KDM5B: variants seen among roughly 807,000 people sequenced by gnomAD.
KDM5B encodes lysine demethylase 5B.
A neutral mutation model predicts 193.4 loss-of-function variants in KDM5B; 144 were observed. That is an observed-to-expected ratio of 0.74 (90% CI 0.65 to 0.86). The LOEUF (loss-of-function observed/expected upper bound fraction) is 0.86, where lower values mean the gene tolerates loss of function less well. Ranked by LOEUF, KDM5B falls within the 40% of genes least tolerant of loss-of-function variation. KDM5B has a pLI of 0.00. For missense variants in KDM5B, 1,833 were observed against 1,886.9 expected (o/e 0.97, Z 0.53); for synonymous variants, 668 against 682.6 (o/e 0.98, Z 0.33).
chr1:202,805,660 G>GT (rs1658261357), intron 1 of KDM5B, among the ~76,000 whole-genome samples: 4 of 152,096 alleles, frequency 2.6e-5, no homozygotes, highest in Admixed American at 1.3e-4. Context: ...TTCTTGAAGG[G>GT]TTTTTTTGTT....
chr1:202,746,357 A>C (rs746150886), intron 14 of KDM5B, 34 bp from the exon 15 acceptor site: 1 of 1,434,150 alleles, frequency 7.0e-7, no homozygotes, highest in South Asian at 1.4e-5. Flanking sequence ...AGACCTCCAA[A>C]GGATAATATA....
Position 202,740,717 on chromosome 1 carries a change from A to G in KDM5B, c.3041T>C (p.Val1014Ala). ...LPNGAALKDS[V>A]QRARDWLQDV... is the part of the protein sequence containing the mutation. ...CTGAAGCCAGTCTCTGGCTCTCTGC[A>G]CTGAGTCTTTCAGAGCCGCACCATT... The change falls in exon 20 of 27, where the codon GTG becomes GCG. Residue 1014 changes from valine to alanine, a missense_variant. This residue lies in a region of KDM5B where 1,379 missense variants were observed against 1,349.6 expected (regional missense o/e 1.02). Coordinates refer to ENST00000367265, the MANE Select transcript of KDM5B (RefSeq NM_006618.5). 1 of 1,612,918 alleles carries G rather than the reference A, an allele frequency of 6.2e-7. No individual in the cohort carries two copies. The highest frequency in any genetic ancestry group is 1.1e-5 in the South Asian group (1 of 91,028).
intron 13 of KDM5B, 80 bp from the exon 14 acceptor site, chr1:202,749,219 T>C: frequency 1.6e-6 from 2 of 1,249,698 alleles, no homozygotes; most frequent in African/African-American, 1.5e-5. Context: ...TATTATCAAA[T>C]TACCAAACAT....
chr1:202,744,734 T>C (rs1655484859), intron 16 of KDM5B, among the ~76,000 whole-genome samples: 1 of 152,178 alleles, frequency 6.6e-6, no homozygotes, highest in African/African-American at 2.4e-5. Context: ...TGGAAGACAG[T>C]GTGGTGATTC....
At chr1:202,750,869 C>CA (rs1413677909) in intron 12 of KDM5B, 91 bp from the exon 13 acceptor site, 13 of 1,309,196 alleles carry the variant, frequency 9.9e-6, no homozygotes, top group Admixed American at 4.6e-5. Flanking sequence ...AGATAATTTT[C>CA]AAAAAAAGGC....
intron 1 of KDM5B, among the ~76,000 whole-genome samples, chr1:202,789,118 C>G (rs1383800453): frequency 1.3e-5 from 2 of 152,122 alleles, no homozygotes; most frequent in East Asian, 1.9e-4. Context: ...AAGAAACGAA[C>G]AGAAGTGAGA....
chr1:202,742,396 G>A lies in KDM5B; in HGVS notation c.2584C>T (p.Leu862=). 2 of 1,609,672 alleles carry A rather than the reference G, an allele frequency of 1.2e-6. No homozygotes were observed. Among genetic ancestry groups the A allele is most frequent in the Non-Finnish European group, 1.7e-6 (2 of 1,176,034 alleles). Residue 862 remains leucine, a synonymous_variant, in exon 18 of 27, where the codon CTA becomes TTA. Transcript: ENST00000367265. The part of the protein sequence containing the change: ...LPCVLSQTPL[L]KDLLNRVEDF... ...ACACATCCCTCTATGGTTACCTTTAGTAATGGTGTCTGACTGAGGACACAT... is the reference window on the plus strand; with the variant it reads ...ACACATCCCTCTATGGTTACCTTTAATAATGGTGTCTGACTGAGGACACAT...
rs895497649 is a variant in KDM5B, at chr1:202,746,211, G to C, written c.2129C>G (p.Pro710Arg). The change falls in exon 15 of 27, where the codon CCT becomes CGT. Residue 710 changes from proline (P) to arginine (R), a missense_variant. Pro to Arg is a moderately radical substitution (Grantham distance 103). This residue lies in a region of KDM5B where 1,379 missense variants were observed against 1,349.6 expected (regional missense o/e 1.02). Transcript: ENST00000367265. ...ATGATGCAGGCAAACAAGAAGGCCA[G>C]GTTTACAAGAACAGGAGATGGCAGA... The part of the protein sequence containing the change: ...FMSAISCSCK[P>R]GLLVCLHHVK... 3 of 1,613,618 alleles carry C rather than the reference G, an allele frequency of 1.9e-6. No individual in the cohort carries two copies. The highest frequency in any genetic ancestry group is 2.5e-6 in the Non-Finnish European group (3 of 1,179,718).
At chr1:202,749,949 A>G (rs1212581106) in intron 13 of KDM5B, among the ~76,000 whole-genome samples, 10 of 152,252 alleles carry the variant, frequency 6.6e-5, no homozygotes, top group Non-Finnish European at 1.3e-4. Flanking sequence ...TATAAAAATT[A>G]AACTTTACAA....
chr1:202,777,351 TAAA>T (rs147335949), intron 1 of KDM5B, among the ~76,000 whole-genome samples: 70,382 of 128,440 alleles, frequency 0.55, 19,535 homozygotes, highest in Middle Eastern at 0.73. Context: ...ATTGAGCCTG[TAAA>T]AAAAAAAAAA....
At chr1:202,807,552 C>G (rs1405099472) in intron 1 of KDM5B, among the ~76,000 whole-genome samples, 1 of 151,988 alleles carries the variant, frequency 6.6e-6, no homozygotes, top group Non-Finnish European at 1.5e-5. Flanking sequence ...AGGTGAGGGC[C>G]GCTCCGGGCC....
chr1:202,740,768 A>G lies in KDM5B; in HGVS notation c.2990T>C (p.Ile997Thr). Residue 997 changes from isoleucine to threonine, a missense_variant, in exon 20 of 27, where the codon ATC becomes ACC. Transcript: ENST00000367265. The part of the protein sequence containing the change: ...LNSLATAVKE[I>T]EEIPAYLPNG... ...GGGCAGATATGCAGGGATCTCTTCG[A>G]TTTCCTTTACTGCCGTAGCAAGGCT... The G allele has an allele frequency of 6.2e-7, 1 of 1,612,876 alleles. No individual in the cohort carries two copies. The highest frequency in any genetic ancestry group is 8.5e-7 in the Non-Finnish European group (1 of 1,179,938).
At chr1:202,756,056 A>C (rs1281475684) in intron 10 of KDM5B, among the ~76,000 whole-genome samples, 1 of 152,144 alleles carries the variant, frequency 6.6e-6, no homozygotes, top group African/African-American at 2.4e-5. Context: ...ATGGAAAAAA[A>C]TACTCAAAAA....
At chr1:202,767,268 T>A in intron 4 of KDM5B, 2 of 1,606,426 alleles carry the variant, frequency 1.2e-6, no homozygotes, top group South Asian at 1.1e-5. Context: ...CAAGGAAGGG[T>A]ATAGCAAACG....
intron 4 of KDM5B, chr1:202,767,464 G>T: frequency 1.8e-6 from 2 of 1,119,620 alleles, no homozygotes; most frequent in Non-Finnish European, 2.7e-6. Context: ...ACCGAGGAAG[G>T]ATGAAATGGC....
chr1:202,729,297 C>A, intron 26 of KDM5B, 124 bp from the exon 27 acceptor site: 1 of 1,016,556 alleles, frequency 9.8e-7, no homozygotes, highest in East Asian at 2.5e-5. Flanking sequence ...ACTGGGACCT[C>A]TGGCACAACA....
At chr1:202,767,416 A>G in intron 4 of KDM5B, 2 of 1,392,774 alleles carry the variant, frequency 1.4e-6, no homozygotes, top group Non-Finnish European at 2.0e-6. Flanking sequence ...GCTCTAGCCC[A>G]ACATAGCGCT....
rs1655974567 is a variant in KDM5B, at chr1:202,755,526, T to C, written c.1357-74A>G. ...AACGTTTTAGAAGGCCAGCTAAAAATATTATCCTTCAAAATAAAAAAAGAA... is the reference window on the plus strand; with the variant it reads ...AACGTTTTAGAAGGCCAGCTAAAAACATTATCCTTCAAAATAAAAAAAGAA... On this transcript the variant is annotated intron_variant, in intron 10 of 26. Coordinates refer to ENST00000367265, the MANE Select transcript of KDM5B (RefSeq NM_006618.5). 9 of 1,137,968 alleles carry C rather than the reference T, an allele frequency of 7.9e-6. No individual in the cohort carries two copies. The South Asian group carries it at 1.1e-4, about 13-fold the overall frequency. The allele number at this position is 1,137,968 out of a possible 1,614,324, so 70.5% of individuals were successfully genotyped here. A position where few individuals can be genotyped will look rare whatever the true frequency, so the allele number is the denominator to read the frequency against.
chr1:202,758,466 G>A lies in KDM5B; in HGVS notation c.1122C>T (p.Ala374=). 1 of 1,611,704 alleles carries A rather than the reference G, an allele frequency of 6.2e-7. No homozygotes were observed. The highest frequency in any genetic ancestry group is 1.1e-5 in the South Asian group (1 of 90,866). ...PQEAFGFEQA[A]RDYTLRTFGE... Reference sequence around the variant, plus strand: ...CAAAAGTACGGAGGGTATAGTCCCTGGCTGCTTGTTCAAAGCCAAATGCTT... The same window carrying A: ...CAAAAGTACGGAGGGTATAGTCCCTAGCTGCTTGTTCAAAGCCAAATGCTT... Residue 374 remains alanine, a synonymous_variant, in exon 9 of 27, where the codon GCC becomes GCT. Transcript: ENST00000367265.
Sources: gnomAD v4.1 joint callset for allele counts (sites outside exome capture counted in the v4.1 genomes callset) on GRCh38, gnomAD v4.1.1 for gene constraint, gnomAD v4.1.1 regional missense constraint, MANE v1.5 for transcripts, NCBI Gene and HGNC (gene_info 2026-07-23, HGNC 2026-07-21) for gene names.